Variants in IL1RAP observed in about 807,000 individuals in gnomAD.
IL1RAP encodes interleukin-1 receptor accessory protein.
IL1RAP carries 35 observed loss-of-function variants against 60.7 expected under a neutral mutation model. The ratio of observed to expected loss-of-function variants is 0.58; its 90% CI spans 0.44 to 0.76. The LOEUF (loss-of-function observed/expected upper bound fraction) is 0.76, where lower values mean the gene tolerates loss of function less well. Ranked by LOEUF, IL1RAP falls within the 30% of genes least tolerant of loss-of-function variation. The pLI is 0.00. For missense variants in IL1RAP, 572 were observed against 693.9 expected (o/e 0.82, Z 1.97); for synonymous variants, 268 against 250.9 (o/e 1.07, Z -0.64).
At chr3:190,547,217 A>G (rs754086467) in intron 1 of IL1RAP, among the ~76,000 whole-genome samples, 14 of 152,334 alleles carry the variant, frequency 9.2e-5, no homozygotes, top group Non-Finnish European at 1.8e-4. Flanking sequence ...GGGGAATTGC[A>G]TGGTGTTACT....
chr3:190,641,806 G>T (rs550145023), intron 9 of IL1RAP, among the ~76,000 whole-genome samples: 14 of 152,178 alleles, frequency 9.2e-5, no homozygotes, highest in Non-Finnish European at 1.9e-4. Flanking sequence ...AAATTACCCT[G>T]TTGTACTGTT....
Position 190,516,714 on chromosome 3 carries a change from A to G in IL1RAP, c.-89+2495A>G, listed in dbSNP as rs540277692. Among the ~76,000 whole-genome samples the G allele has an allele frequency of 1.8e-3, 247 of 140,508 alleles. 2 individuals are homozygous for G. Among genetic ancestry groups the G allele is most frequent in the Admixed American group, 3.6e-3 (52 of 14,520 alleles). 92.2% of individuals were successfully genotyped at this position (140,508 alleles called of 152,430 possible). ...TTTAATCATTTGAAGTTTCTGTTTTATCCAGTTCTAAAATGGAAAAAAAAA... is the reference window on the plus strand; with the variant it reads ...TTTAATCATTTGAAGTTTCTGTTTTGTCCAGTTCTAAAATGGAAAAAAAAA... On this transcript the variant is annotated intron_variant, in intron 1 of 11. Transcript: ENST00000447382.
intron 1 of IL1RAP, among the ~76,000 whole-genome samples, chr3:190,543,284 T>C (rs560998918): frequency 2.0e-5 from 3 of 152,218 alleles, no homozygotes; most frequent in East Asian, 1.9e-4. Flanking sequence ...AAAGGAATTA[T>C]AGTATTTTCC....
intron 9 of IL1RAP, among the ~76,000 whole-genome samples, chr3:190,640,610 G>A (rs1374191595): frequency 6.6e-6 from 1 of 152,160 alleles, no homozygotes; most frequent in Non-Finnish European, 1.5e-5. Flanking sequence ...GGTGCAAGCA[G>A]CTGGCATTTA....
At chr3:190,608,847 C>T (rs1730584387) in intron 4 of IL1RAP, 148 bp from the exon 5 acceptor site, 4 of 533,408 alleles carry the variant, frequency 7.5e-6, no homozygotes, top group Non-Finnish European at 1.3e-5. Context: ...TAGGAAATGC[C>T]TCCACTACCA....
downstream of IL1RAP, among the ~76,000 whole-genome samples, chr3:190,654,425 C>T (rs530912414): frequency 6.6e-6 from 1 of 152,224 alleles, no homozygotes; most frequent in South Asian, 2.1e-4. Flanking sequence ...TGCACACACT[C>T]GTACACACAG....
At chr3:190,589,147 G>A (rs573370210) in intron 3 of IL1RAP, among the ~76,000 whole-genome samples, 9 of 152,154 alleles carry the variant, frequency 5.9e-5, no homozygotes, top group African/African-American at 1.9e-4. Context: ...TGGATTATAG[G>A]GGACTTCAGT....
At chr3:190,568,553 A>G (rs1726624796) in intron 3 of IL1RAP, among the ~76,000 whole-genome samples, 1 of 152,194 alleles carries the variant, frequency 6.6e-6, no homozygotes, top group South Asian at 2.1e-4. Context: ...AATAAATAGT[A>G]AAAAACACTG....
chr3:190,549,648 G>A (rs1221455606), intron 1 of IL1RAP, among the ~76,000 whole-genome samples: 2 of 152,186 alleles, frequency 1.3e-5, no homozygotes, highest in Non-Finnish European at 2.9e-5. Flanking sequence ...CCAAAAGCCT[G>A]ATTGGTAAAA....
chr3:190,586,678 G>A (rs1486653966), intron 3 of IL1RAP, among the ~76,000 whole-genome samples: 1 of 152,196 alleles, frequency 6.6e-6, no homozygotes, highest in Non-Finnish European at 1.5e-5. Flanking sequence ...GCTGAGTCAT[G>A]CCTGACTATA....
At chr3:190,554,727 T>C (rs1335949342) in intron 1 of IL1RAP, 1 of 127,882 alleles carries the variant, frequency 7.8e-6, no homozygotes. Flanking sequence ...TCTTGTTGTT[T>C]AGTGTGTGTG....
intron 1 of IL1RAP, among the ~76,000 whole-genome samples, chr3:190,544,186 G>A (rs1314547458): frequency 2.0e-5 from 3 of 152,190 alleles, no homozygotes; most frequent in South Asian, 4.1e-4. Flanking sequence ...TTATTTGCTG[G>A]GTCTCATAGG....
chr3:190,596,520 C>T (rs574378392), intron 3 of IL1RAP, among the ~76,000 whole-genome samples: 12 of 152,240 alleles, frequency 7.9e-5, no homozygotes, highest in Non-Finnish European at 1.6e-4. Context: ...CTGTCAGGAG[C>T]GTGGGTTGGA....
chr3:190,608,621 A>G (rs1203723271), intron 4 of IL1RAP, among the ~76,000 whole-genome samples: 1 of 152,070 alleles, frequency 6.6e-6, no homozygotes, highest in African/African-American at 2.4e-5. Flanking sequence ...TGACGATTAC[A>G]TCAATAAACA....
chr3:190,644,066 G>T, intron 9 of IL1RAP, 182 bp from the exon 10 acceptor site: 6 of 935,736 alleles, frequency 6.4e-6, no homozygotes, highest in Non-Finnish European at 6.4e-6. Flanking sequence ...GAAACAAAAA[G>T]ATAAACATAA....
intron 2 of IL1RAP, among the ~76,000 whole-genome samples, chr3:190,562,630 G>A (rs187336565): frequency 2.7e-4 from 41 of 150,894 alleles, no homozygotes; most frequent in Admixed American, 1.7e-3. Context: ...TTGAGGGGAC[G>A]GATATTCCAT....
At chr3:190,561,077 C>T (rs1725846746) in intron 2 of IL1RAP, among the ~76,000 whole-genome samples, 1 of 152,000 alleles carries the variant, frequency 6.6e-6, no homozygotes, top group Non-Finnish European at 1.5e-5. Context: ...TCTGTTAGGC[C>T]CCATTGCAAT....
chr3:190,572,379 CAAGGT>C (rs1223927020), intron 3 of IL1RAP, among the ~76,000 whole-genome samples: 1 of 151,104 alleles, frequency 6.6e-6, no homozygotes, highest in Non-Finnish European at 1.5e-5. Context: ...GGTGTCCACT[CAAGGT>C]AAAGGCAAAT....
intron 3 of IL1RAP, among the ~76,000 whole-genome samples, chr3:190,582,264 T>C (rs1320983667): frequency 6.6e-6 from 1 of 152,116 alleles, no homozygotes; most frequent in African/African-American, 2.4e-5. Flanking sequence ...CCTCTCCATC[T>C]TAAGTATTAT....
Sources: gnomAD v4.1 joint callset for allele counts (sites outside exome capture counted in the v4.1 genomes callset) on GRCh38, gnomAD v4.1.1 for gene constraint, MANE v1.5 for transcripts, NCBI Gene and HGNC (gene_info 2026-07-23, HGNC 2026-07-21) for gene names.